Variants in DCLK2 observed in about 807,000 individuals in gnomAD.
DCLK2 encodes the protein doublecortin like kinase 2.
DCLK2 carries 31 observed loss-of-function variants against 78.4 expected under a neutral mutation model. The observed-to-expected ratio is 0.40, with a 90% CI of 0.30 to 0.53. The LOEUF (loss-of-function observed/expected upper bound fraction) is 0.53, where lower values mean the gene tolerates loss of function less well. Among genes scored for constraint, DCLK2 ranks in the 20% least tolerant of loss-of-function variants. DCLK2 has a pLI of 0.61. For missense variants in DCLK2, 872 were observed against 973.7 expected (o/e 0.90, Z 1.39); for synonymous variants, 407 against 374.9 (o/e 1.09, Z -0.99).
At chr4:150,207,970 G>A (rs973963472) in intron 5 of DCLK2, among the ~76,000 whole-genome samples, 1 of 152,138 alleles carries the variant, frequency 6.6e-6, no homozygotes, top group African/African-American at 2.4e-5. Context: ...AAGGAGCAGG[G>A]TGGGCATCAG....
intron 2 of DCLK2, 150 bp from the exon 3 acceptor site, chr4:150,192,988 A>G (rs1738581642): frequency 5.8e-6 from 3 of 514,838 alleles, no homozygotes; most frequent in Non-Finnish European, 1.0e-5. Context: ...TGCTTTGTGA[A>G]GGTAAAGTGC....
intron 2 of DCLK2, among the ~76,000 whole-genome samples, chr4:150,142,710 C>A (rs1734194334): frequency 6.6e-6 from 1 of 152,012 alleles, no homozygotes; most frequent in Admixed American, 6.6e-5. Context: ...TTAACAAACA[C>A]GAGAATCCCT....
chr4:150,235,114 C>A (rs534846846), intron 10 of DCLK2, among the ~76,000 whole-genome samples: 1 of 152,186 alleles, frequency 6.6e-6, no homozygotes, highest in African/African-American at 2.4e-5. Context: ...CAAGGAACCC[C>A]TGCAGCCAGT....
At chr4:150,134,367 C>T (rs1463051072) in intron 2 of DCLK2, among the ~76,000 whole-genome samples, 1 of 152,080 alleles carries the variant, frequency 6.6e-6, no homozygotes, top group African/African-American at 2.4e-5. Context: ...TAGGCATGAG[C>T]CACCATGCCT....
chr4:150,221,812 GA>G, intron 7 of DCLK2, 27 bp downstream of exon 7: 1 of 1,322,344 alleles, frequency 7.6e-7, no homozygotes, highest in Non-Finnish European at 1.1e-6. Flanking sequence ...GATAATTAAT[GA>G]ATAATGAAAA....
rs1302047947 is a variant in DCLK2, at chr4:150,079,086, G to A, written c.59G>A (p.Arg20Gln). 1.9e-6 allele frequency: 3 copies of A among 1,563,724 alleles called. No homozygotes were observed. The African/African-American group carries it at 4.1e-5, about 21-fold the overall frequency. The change falls in exon 1 of 16, where the codon CGG becomes CAG. Residue 20 changes from arginine (R) to glutamine (Q), a missense_variant. By Grantham distance (43) the Arg-to-Gln change is conservative. Around this residue, in one of 3 missense-constraint regions of DCLK2, gnomAD observed 567 missense variants for 593.4 expected, o/e 0.96. Coordinates refer to ENST00000296550, the MANE Select transcript of DCLK2 (RefSeq NM_001040260.4). ...EHFEERDKRP[R>Q]PGSRRGAPSS... Reference sequence around the variant, plus strand: ...TTTGAGGAACGGGACAAAAGGCCGCGGCCGGGGTCGCGGAGAGGGGCCCCC... The same window carrying A: ...TTTGAGGAACGGGACAAAAGGCCGCAGCCGGGGTCGCGGAGAGGGGCCCCC...
chr4:150,211,294 T>C (rs192347284), intron 5 of DCLK2, among the ~76,000 whole-genome samples: 10 of 151,984 alleles, frequency 6.6e-5, no homozygotes, highest in African/African-American at 2.2e-4. Flanking sequence ...GCAGGTGGCT[T>C]TCCCCAGAAC....
chr4:150,225,254 T>A (rs992524789), intron 8 of DCLK2, among the ~76,000 whole-genome samples: 2 of 152,208 alleles, frequency 1.3e-5, no homozygotes, highest in African/African-American at 4.8e-5. Context: ...ACAAACATCC[T>A]TGGAAAGATA....
chr4:150,249,765 A>T, intron 15 of DCLK2, 81 bp downstream of exon 15: 1 of 1,152,290 alleles, frequency 8.7e-7, no homozygotes, highest in Non-Finnish European at 1.3e-6. Context: ...AGCTGCCCTC[A>T]CATGGAAGTT....
At chr4:150,142,763 C>G (rs2150215886) in intron 2 of DCLK2, among the ~76,000 whole-genome samples, 1 of 151,616 alleles carries the variant, frequency 6.6e-6, no homozygotes, top group African/African-American at 2.4e-5. Context: ...TTTAAATATG[C>G]AAACTAAAGA....
At position 150,194,022 on chromosome 4, in the gene DCLK2, G is replaced by GACACACACACACAC. The variant is rs58179559; in HGVS notation, c.859+819_859+832dup. Among the ~76,000 whole-genome samples, 245 of 133,864 alleles carry GACACACACACACAC rather than the reference G, an allele frequency of 1.8e-3. 2 individuals are homozygous for GACACACACACACAC. The highest frequency in any genetic ancestry group is 9.7e-3 in the East Asian group (42 of 4,310). The allele number at this position is 133,864 out of a possible 152,430, so 87.8% of individuals were successfully genotyped here. A position where few individuals can be genotyped will look rare whatever the true frequency, so the allele number is the denominator to read the frequency against. On this transcript the variant is annotated intron_variant, in intron 3 of 15. Coordinates refer to ENST00000296550, the MANE Select transcript of DCLK2 (RefSeq NM_001040260.4). Reference sequence around the variant, plus strand: ...CCACCTCAGCCTCCCAAAGTGCTGGGACACACACACACACACACACACACA... The same window carrying GACACACACACACAC: ...CCACCTCAGCCTCCCAAAGTGCTGGGACACACACACACACACACACACACACACACACACACACA...
intron 2 of DCLK2, among the ~76,000 whole-genome samples, chr4:150,147,812 T>G (rs1734590875): frequency 6.6e-6 from 1 of 152,224 alleles, no homozygotes; most frequent in Admixed American, 6.5e-5. Context: ...TGCATTTTAG[T>G]CCTATTTTTA....
intron 2 of DCLK2, among the ~76,000 whole-genome samples, chr4:150,106,746 C>T (rs1731283478): frequency 6.6e-6 from 1 of 152,170 alleles, no homozygotes; most frequent in Non-Finnish European, 1.5e-5. Context: ...GATGGTGTGT[C>T]ATGTGCCAGT....
intron 2 of DCLK2, among the ~76,000 whole-genome samples, chr4:150,104,913 C>A (rs898807676): frequency 7.2e-5 from 11 of 152,042 alleles, no homozygotes; most frequent in African/African-American, 2.7e-4. Context: ...TACATTCTTT[C>A]TGATTTTTAT....
intron 2 of DCLK2, among the ~76,000 whole-genome samples, chr4:150,184,458 G>A (rs1737754432): frequency 6.6e-6 from 1 of 152,190 alleles, no homozygotes; most frequent in South Asian, 2.1e-4. Flanking sequence ...CTTAGAGCAG[G>A]AAGGGGTCTT....
rs551046213 is a variant in DCLK2, at chr4:150,104,505, G to A, written c.756+1693G>A. Among the ~76,000 whole-genome samples, 19 of 148,404 alleles carry A rather than the reference G, an allele frequency of 1.3e-4. No homozygotes were observed. In the South Asian group the frequency reaches 4.0e-3, roughly 32 times the overall value. Reference sequence around the variant, plus strand: ...TATCAAAAAAATTATCCTTAAAAAGGTTCCAGACTATAGATGTAAAAATGT... The same window carrying A: ...TATCAAAAAAATTATCCTTAAAAAGATTCCAGACTATAGATGTAAAAATGT... On this transcript the variant is annotated intron_variant, in intron 2 of 15. Coordinates refer to ENST00000296550, the MANE Select transcript of DCLK2 (RefSeq NM_001040260.4).
At chr4:150,212,235 T>C (rs905990959) in intron 5 of DCLK2, among the ~76,000 whole-genome samples, 3 of 152,224 alleles carry the variant, frequency 2.0e-5, no homozygotes, top group Non-Finnish European at 4.4e-5. Context: ...GCTGATATTT[T>C]ATCTGATGAT....
chr4:150,101,901 GCCAGAACTCTT>G (rs956706384), intron 1 of DCLK2, among the ~76,000 whole-genome samples: 2 of 152,112 alleles, frequency 1.3e-5, no homozygotes, highest in Non-Finnish European at 2.9e-5. Flanking sequence ...TCTTTTAGCT[GCCAGAACTCTT>G]CCATAATGTT....
chr4:150,118,652 A>G (rs1732285836), intron 2 of DCLK2, among the ~76,000 whole-genome samples: 1 of 152,198 alleles, frequency 6.6e-6, no homozygotes. Flanking sequence ...GAGTCTGTTC[A>G]CATCTGCCTT....
Sources: allele counts gnomAD v4.1 joint callset (sites outside exome capture counted in the v4.1 genomes callset), GRCh38; gene constraint gnomAD v4.1.1; regional missense constraint gnomAD v4.1.1; transcripts MANE v1.5; gene names NCBI Gene and HGNC (gene_info 2026-07-23, HGNC 2026-07-21).